The following KMT2C variants were observed in gnomAD, a reference collection of about 807,000 sequenced individuals.
The protein encoded by KMT2C is histone-lysine N-methyltransferase 2C.
Under a neutral mutation model 507.9 loss-of-function variants are expected in KMT2C, and 88 were observed. The ratio of observed to expected loss-of-function variants is 0.17; its 90% confidence interval spans 0.15 to 0.21. The LOEUF (loss-of-function observed/expected upper bound fraction) is 0.21, where lower values mean the gene tolerates loss of function less well. Among genes scored for constraint, KMT2C ranks in the 10% least tolerant of loss-of-function variants. The pLI is 1.00. For synonymous variants in KMT2C, 2,049 were observed against 2,080.8 expected (o/e 0.98, Z 0.42); for missense variants, 4,954 against 5,957.8 (o/e 0.83, Z 5.55).
chr7:152,383,986 G>GA (rs140339680), intron 1 of KMT2C, among the ~76,000 whole-genome samples: 128 of 144,380 alleles, frequency 8.9e-4, no homozygotes, highest in African/African-American at 1.6e-3. Flanking sequence ...CCCAAATTCT[G>GA]AAAAAAAAAA....
At chr7:152,216,305 GTTT>G in intron 23 of KMT2C, among the ~76,000 whole-genome samples, 1 of 152,146 alleles carries the variant, frequency 6.6e-6, no homozygotes, top group Non-Finnish European at 1.5e-5. Flanking sequence ...TAAGGAATTT[GTTT>G]CTGATACACC....
chr7:152,348,110 C>T (rs907425246), intron 2 of KMT2C, among the ~76,000 whole-genome samples: 7 of 152,172 alleles, frequency 4.6e-5, no homozygotes, highest in African/African-American at 1.7e-4. Context: ...GGACCAATTA[C>T]TTAAAAGACA....
chr7:152,284,142 C>A (rs1025631465), intron 6 of KMT2C, among the ~76,000 whole-genome samples: 2 of 152,004 alleles, frequency 1.3e-5, no homozygotes, highest in African/African-American at 4.8e-5. Context: ...AGCTTAGCTA[C>A]AGGTATAAAA....
rs71294474 is a variant in KMT2C, at chr7:152,299,319, A to AAAATAAATAAATAAATAAAT, written c.849+10627_849+10646dup. Among the ~76,000 whole-genome samples the AAAATAAATAAATAAATAAAT allele has an allele frequency of 9.7e-4, 143 of 146,764 alleles. 3 individuals carry two copies. Among genetic ancestry groups the AAAATAAATAAATAAATAAAT allele is most frequent in the African/African-American group, 3.5e-3 (135 of 38,844 alleles). On this transcript the variant is annotated intron_variant, in intron 6 of 58. Coordinates refer to ENST00000262189, the MANE Select transcript of KMT2C (RefSeq NM_170606.3). ...GCAACAGAGCGAGACTCTATCTCAA[A>AAAATAAATAAATAAATAAAT]AAATAAATAAATAAATAAATAAATA...
intron 1 of KMT2C, among the ~76,000 whole-genome samples, chr7:152,360,726 G>A (rs1408309713): frequency 6.6e-6 from 1 of 151,532 alleles, no homozygotes; most frequent in Non-Finnish European, 1.5e-5. Context: ...GCACATGCCT[G>A]TAATCCCAGC....
chr7:152,428,406 A>G (rs2116774321), intron 1 of KMT2C, among the ~76,000 whole-genome samples: 1 of 146,328 alleles, frequency 6.8e-6, no homozygotes, highest in East Asian at 2.2e-4. Context: ...TGAGGTCAGG[A>G]GTTCGAGACC....
chr7:152,168,166 G>A (rs1300627180), intron 41 of KMT2C, among the ~76,000 whole-genome samples: 1 of 151,506 alleles, frequency 6.6e-6, no homozygotes, highest in East Asian at 1.9e-4. Flanking sequence ...AAAAGTCATC[G>A]TATGTAGTGA....
At chr7:152,316,718 C>T (rs906296224) in intron 3 of KMT2C, among the ~76,000 whole-genome samples, 2 of 151,988 alleles carry the variant, frequency 1.3e-5, no homozygotes, top group Admixed American at 6.6e-5. Flanking sequence ...CAACTAATTA[C>T]TTTTATCAAA....
intron 6 of KMT2C, among the ~76,000 whole-genome samples, chr7:152,296,734 A>G (rs1285028369): frequency 1.3e-5 from 2 of 152,002 alleles, no homozygotes; most frequent in Admixed American, 6.6e-5. Flanking sequence ...CTAATTTTCT[A>G]TTGTGAAATA....
chr7:152,314,722 T>A (rs1387107037), intron 4 of KMT2C, among the ~76,000 whole-genome samples: 1 of 152,142 alleles, frequency 6.6e-6, no homozygotes, highest in African/African-American at 2.4e-5. Flanking sequence ...ATTCTGGATT[T>A]GCTATTGTAT....
intron 9 of KMT2C, among the ~76,000 whole-genome samples, chr7:152,257,109 C>T (rs183821228): frequency 3.1e-4 from 47 of 152,144 alleles, no homozygotes; most frequent in African/African-American, 1.1e-3. Context: ...ACTGAAATAC[C>T]AAAGCACAGG....
In KMT2C at chr7:152,162,212, G is replaced by A. The variant is rs745507228; in HGVS notation, c.11365C>T (p.Leu3789Phe). 3.1e-6 allele frequency: 5 copies of A among 1,613,944 alleles called. No homozygotes were observed. Among genetic ancestry groups the A allele is most frequent in the Non-Finnish European group, 4.2e-6 (5 of 1,179,954 alleles). Residue 3789 changes from leucine to phenylalanine, a missense_variant, in exon 43 of 59, where the codon CTT (leucine) becomes TTT (phenylalanine). By Grantham distance (22) the Leu-to-Phe change is conservative. This residue lies in a region of KMT2C where 801 missense variants were observed against 751.2 expected (regional missense o/e 1.07). Transcript: ENST00000262189. ...CTGCCCTCAGGTTTTTGATTCAAAA[G>A]AGAAGATGACTTTTTATTTTTCAAC... ...HLLKNKKSSS[L>F]LNQKPEGSIC...
In KMT2C at chr7:152,152,686, A is replaced by G. The variant is rs541735942; in HGVS notation, c.12526+19T>C. 2.9e-5 allele frequency: 47 copies of G among 1,611,476 alleles called. No individual in the cohort carries two copies. In the South Asian group the frequency reaches 4.5e-4, roughly 15 times the overall value. On this transcript the variant is annotated intron_variant, in intron 49 of 58. Coordinates refer to ENST00000262189, the MANE Select transcript of KMT2C (RefSeq NM_170606.3). The stretch of plus-strand genomic sequence containing the variant: ...AATCAGGAATGGATTTGGGGTTAAC[A>G]AAAAGCTCACTAGCTCACCATTGCT...
intron 56 of KMT2C, 142 bp from the exon 57 acceptor site, chr7:152,139,401 G>A: frequency 1.4e-6 from 1 of 736,470 alleles, no homozygotes; most frequent in Non-Finnish European, 2.3e-6. Context: ...ATTAGGCACA[G>A]ATGACATTTA....
At chr7:152,345,238 C>CA (rs1456938220) in intron 2 of KMT2C, among the ~76,000 whole-genome samples, 3 of 151,776 alleles carry the variant, frequency 2.0e-5, no homozygotes, top group Admixed American at 6.6e-5. Context: ...CCCGTCCCTC[C>CA]AAAAAAACTA....
Position 152,199,491 on chromosome 7 carries a change from T to C in KMT2C, c.4093-32A>G, listed in dbSNP as rs763199955. The C allele has an allele frequency of 2.9e-6, 4 of 1,371,408 alleles. No homozygotes were observed. In the South Asian group the frequency reaches 5.9e-5, roughly 20 times the overall value. The allele number at this position is 1,371,408 out of a possible 1,614,324, so 85.0% of individuals were successfully genotyped here. On this transcript the variant is annotated intron_variant, in intron 26 of 58. Coordinates refer to ENST00000262189, the MANE Select transcript of KMT2C (RefSeq NM_170606.3). ...GAAGATAAGCACATACAAAAATGGTTAGAAAATTCTAAAAAGACAATAGAT... is the reference window on the plus strand; with the variant it reads ...GAAGATAAGCACATACAAAAATGGTCAGAAAATTCTAAAAAGACAATAGAT...
chr7:152,146,655 T>C lies in KMT2C; in HGVS notation c.13975A>G (p.Lys4659Glu). ...GTCAGGCCAAACAGATCCTCTCCTT[T>C]TAAATACGCTGGGAAAAGCTGGAGC... ...EMLQLFPAYL[K>E]GEDLFGLTVS... Residue 4659 changes from lysine (K) to glutamate (E), a missense_variant, in exon 53 of 59, where the codon AAA becomes GAA. By Grantham distance (56) the Lys-to-Glu change is moderately conservative (BLOSUM62 1). Coordinates refer to ENST00000262189, the MANE Select transcript of KMT2C (RefSeq NM_170606.3). 1 of 1,614,180 alleles carries C rather than the reference T, an allele frequency of 6.2e-7. No individual in the cohort carries two copies.
intron 18 of KMT2C, among the ~76,000 whole-genome samples, chr7:152,228,497 G>A (rs1328593151): frequency 1.3e-5 from 2 of 152,178 alleles, no homozygotes; most frequent in African/African-American, 2.4e-5. Flanking sequence ...CCAAAACAGT[G>A]TCATCGTGCA....
intron 9 of KMT2C, among the ~76,000 whole-genome samples, chr7:152,259,283 G>T (rs1245166141): frequency 6.6e-6 from 1 of 152,074 alleles, no homozygotes; most frequent in East Asian, 1.9e-4. Context: ...CTACATTGAT[G>T]TAAGTTTAGG....
Sources: gnomAD v4.1 joint callset for allele counts (sites outside exome capture counted in the v4.1 genomes callset) on GRCh38, gnomAD v4.1.1 for gene constraint, gnomAD v4.1.1 regional missense constraint, MANE v1.5 for transcripts, NCBI Gene and HGNC (gene_info 2026-07-23, HGNC 2026-07-21) for gene names.